DLEC1: variants seen among roughly 807,000 people sequenced by gnomAD.
DLEC1 encodes the protein DLEC1 cilia and flagella associated protein.
In DLEC1, 146 loss-of-function variants were observed where a neutral mutation model predicts 198.1. The observed-to-expected ratio is 0.74, with a 90% confidence interval of 0.64 to 0.85. The LOEUF (loss-of-function observed/expected upper bound fraction) is 0.85, where lower values mean the gene tolerates loss of function less well. Among genes scored for constraint, DLEC1 ranks in the 40% least tolerant of loss-of-function variants. The pLI, the probability that DLEC1 is intolerant of heterozygous loss-of-function variation, is 0.00. For synonymous variants in DLEC1, 897 were observed against 866.8 expected, an observed-to-expected ratio of 1.03 and a Z score of -0.61; for missense variants, 2,233 against 2,220.0, an observed-to-expected ratio of 1.01 and a Z score of -0.12.
At chr3:38,118,537 G>C (rs931998400) in intron 33 of DLEC1, among the ~76,000 whole-genome samples, 8 of 152,198 alleles carry the variant, frequency 5.3e-5, no homozygotes, top group African/African-American at 1.9e-4. Context: ...GGTTAGGTAG[G>C]GGAAGGTCTT....
intron 13 of DLEC1, 134 bp from the exon 14 acceptor site, chr3:38,095,754 C>A (rs1698981826): frequency 2.7e-6 from 3 of 1,120,832 alleles, no homozygotes; most frequent in African/African-American, 1.5e-5. Flanking sequence ...AGCAGGGAAG[C>A]AACCCTGGGT....
At chr3:38,110,021 C>G in intron 22 of DLEC1, 78 bp from the exon 23 acceptor site, 1 of 1,528,782 alleles carries the variant, frequency 6.5e-7, no homozygotes, top group Non-Finnish European at 8.8e-7. Flanking sequence ...TTCTGCATGC[C>G]CACCCAAGAT....
chr3:38,039,842 A>G (rs1384569212), intron 1 of DLEC1, among the ~76,000 whole-genome samples: 6 of 152,178 alleles, frequency 3.9e-5, no homozygotes, highest in Non-Finnish European at 7.4e-5. Context: ...CATACCACAC[A>G]ACGTGCGGCA....
chr3:38,094,783 T>C (rs572990595), intron 12 of DLEC1, 96 bp from the exon 13 acceptor site: 10 of 1,423,864 alleles, frequency 7.0e-6, no homozygotes, highest in East Asian at 2.3e-5. Flanking sequence ...CTAGGTCCTT[T>C]CCTGCTCCCT....
intron 2 of DLEC1, chr3:38,052,056 G>A: frequency 4.0e-6 from 1 of 249,250 alleles, no homozygotes; most frequent in South Asian, 5.7e-5. Context: ...TCATACCAGT[G>A]CAATGTGCTT....
At chr3:38,121,866 C>T (rs113281718) in intron 35 of DLEC1, 85 bp downstream of exon 35, 181 of 1,546,384 alleles carry the variant, frequency 1.2e-4, no homozygotes, top group African/African-American at 1.2e-3. Flanking sequence ...CCCTGTGCGC[C>T]GTCCCTGCAT....
intron 7 of DLEC1, among the ~76,000 whole-genome samples, chr3:38,084,536 G>T (rs79000213): frequency 3.1e-5 from 2 of 64,744 alleles, no homozygotes; most frequent in Non-Finnish European, 6.7e-5. Flanking sequence ...TAGTAGTGGT[G>T]GTGGTAGTAG....
At chr3:38,042,595 GC>G (rs1243201410) in intron 1 of DLEC1, among the ~76,000 whole-genome samples, 1 of 110,258 alleles carries the variant, frequency 9.1e-6, no homozygotes, top group African/African-American at 3.6e-5. Flanking sequence ...TTGCACTGTT[GC>G]CTGGGCTAGA....
intron 15 of DLEC1, 124 bp from the exon 16 acceptor site, chr3:38,097,058 C>T (rs1212583180): frequency 4.0e-6 from 4 of 997,604 alleles, no homozygotes; most frequent in Non-Finnish European, 5.9e-6. Context: ...TTTGGGTGGC[C>T]AGGAATTAGC....
chr3:38,056,507 A>G (rs1413925742), intron 2 of DLEC1, among the ~76,000 whole-genome samples: 5 of 152,042 alleles, frequency 3.3e-5, no homozygotes, highest in Admixed American at 6.6e-5. Context: ...ATGGGGTTTT[A>G]CCATGTTGGC....
At chr3:38,090,357 G>A (rs1559437021) in intron 10 of DLEC1, among the ~76,000 whole-genome samples, 1 of 152,140 alleles carries the variant, frequency 6.6e-6, no homozygotes, top group Non-Finnish European at 1.5e-5. Flanking sequence ...AACTGCACAT[G>A]TTTTTACCCC....
At chr3:38,121,251 G>A (rs62240754) in intron 34 of DLEC1, among the ~76,000 whole-genome samples, 1 of 152,244 alleles carries the variant, frequency 6.6e-6, no homozygotes, top group Non-Finnish European at 1.5e-5. Context: ...GAGGGCACAG[G>A]TGGGGCCTGC....
intron 33 of DLEC1, among the ~76,000 whole-genome samples, 158 bp downstream of exon 33, chr3:38,118,182 CAG>C (rs1700285028): frequency 6.6e-6 from 1 of 152,204 alleles, no homozygotes; most frequent in Non-Finnish European, 1.5e-5. Context: ...GCACTCCCAC[CAG>C]AGACACCACA....
intron 6 of DLEC1, among the ~76,000 whole-genome samples, chr3:38,069,692 A>G (rs1697214504): frequency 1.3e-5 from 2 of 152,196 alleles, no homozygotes; most frequent in Admixed American, 1.3e-4. Flanking sequence ...CACCACAGCT[A>G]CCATGTTTCA....
At chr3:38,104,028 T>C (rs930254146) in intron 19 of DLEC1, among the ~76,000 whole-genome samples, 2 of 152,196 alleles carry the variant, frequency 1.3e-5, no homozygotes, top group Admixed American at 1.3e-4. Flanking sequence ...AAAAATGACA[T>C]TGATAGGCTT....
At position 38,112,150 on chromosome 3, in the gene DLEC1, T is replaced by G. The variant is rs1575226083; in HGVS notation, c.3515-60T>G. On this transcript the variant is annotated intron_variant, in intron 24 of 36. Coordinates refer to ENST00000308059, the MANE Select transcript of DLEC1 (RefSeq NM_007335.4). This position sits in a 1 kb window ranked among gnomAD's most constrained non-coding sequence, Gnocchi z 4.8. Reference sequence around the variant, plus strand: ...ACAGTGCTTTGCTCACACACGAGGGTTTGGACCTCACTCCCAACCCCAGGC... The same window carrying G: ...ACAGTGCTTTGCTCACACACGAGGGGTTGGACCTCACTCCCAACCCCAGGC... The G allele has an allele frequency of 6.2e-7, 1 of 1,607,996 alleles. No individual in the cohort carries two copies. The highest frequency in any genetic ancestry group is 8.5e-7 in the Non-Finnish European group (1 of 1,176,558).
chr3:38,081,882 G>A (rs1161201882), intron 6 of DLEC1, among the ~76,000 whole-genome samples: 28 of 138,098 alleles, frequency 2.0e-4, no homozygotes, highest in African/African-American at 4.1e-4. Flanking sequence ...GCGGCTGGCC[G>A]GGCGGGGGGC....
rs746741562 is a variant in DLEC1, at chr3:38,116,939, C to CCG, written c.4180-36_4180-35insCG. 2.6e-4 allele frequency: 412 copies of CCG among 1,612,522 alleles called. 1 individual carries two copies. The highest frequency in any genetic ancestry group is 3.4e-4 in the Non-Finnish European group (398 of 1,179,306). On this transcript the variant is annotated intron_variant, in intron 29 of 36. Transcript: ENST00000308059. ...CTGTCTGCATTGGCCGGCCAGTGGGCATGGGACAGTGCTAAGGCTGCTGTG... is the reference window on the plus strand; with the variant it reads ...CTGTCTGCATTGGCCGGCCAGTGGGCCGATGGGACAGTGCTAAGGCTGCTGTG...
At chr3:38,053,596 C>T (rs1468560567) in intron 2 of DLEC1, among the ~76,000 whole-genome samples, 1 of 145,936 alleles carries the variant, frequency 6.9e-6, no homozygotes, top group African/African-American at 2.5e-5. Flanking sequence ...CCCGCCCGGC[C>T]AGCCGCCCCA....
Sources: gnomAD v4.1 joint callset for allele counts (sites outside exome capture counted in the v4.1 genomes callset) on GRCh38, gnomAD v4.1.1 for gene constraint, Gnocchi (gnomAD v3.1) non-coding constraint, MANE v1.5 for transcripts, NCBI Gene and HGNC (gene_info 2026-07-23, HGNC 2026-07-21) for gene names.